The following RASA2 variants were observed in gnomAD, a reference collection of about 807,000 sequenced individuals.
The protein encoded by RASA2 is ras GTPase-activating protein 2.
Under a neutral mutation model 118.2 loss-of-function variants are expected in RASA2, and 155 were observed. That is an observed-to-expected ratio of 1.31 (90% CI 1.15 to 1.50). The LOEUF is 1.50. Ranked by LOEUF, RASA2 falls within the 40% of genes most tolerant of loss-of-function variation. The probability of loss-of-function intolerance (pLI) is 0.00; values close to 1 mark genes in which losing one functional copy is unlikely to be tolerated. For missense variants in RASA2, 1,016 were observed against 1,009.6 expected (o/e 1.01, Z -0.09); for synonymous variants, 353 against 349.1 (o/e 1.01, Z -0.12).
chr3:141,610,689 C>T (rs887199948), intron 23 of RASA2, among the ~76,000 whole-genome samples: 2 of 151,290 alleles, frequency 1.3e-5, no homozygotes, highest in African/African-American at 4.9e-5. Context: ...CAGGGTCTCG[C>T]TATGTTGCCC....
At chr3:141,499,664 A>G (rs1223889926) in intron 1 of RASA2, among the ~76,000 whole-genome samples, 1 of 151,924 alleles carries the variant, frequency 6.6e-6, no homozygotes, top group Non-Finnish European at 1.5e-5. Flanking sequence ...CAGTGGTGCG[A>G]TCTCAGCTCA....
At chr3:141,534,263 T>C (rs185485228) in intron 4 of RASA2, among the ~76,000 whole-genome samples, 113 of 152,248 alleles carry the variant, frequency 7.4e-4, no homozygotes, top group African/African-American at 2.6e-3. Flanking sequence ...CCAGGCCGGG[T>C]ATGGTGGCCC....
chr3:141,538,530 C>T (rs766616195), intron 4 of RASA2, among the ~76,000 whole-genome samples: 3 of 151,908 alleles, frequency 2.0e-5, no homozygotes, highest in Non-Finnish European at 4.4e-5. Flanking sequence ...AGTATGTACC[C>T]TATTTTGTGA....
intron 4 of RASA2, among the ~76,000 whole-genome samples, chr3:141,534,748 T>A (rs1408115983): frequency 6.6e-6 from 1 of 151,868 alleles, no homozygotes; most frequent in Non-Finnish European, 1.5e-5. Context: ...TGCAGGTTGA[T>A]TTTTTTTAAC....
In RASA2 at chr3:141,586,061, T is replaced by C. The variant is rs1239811236; in HGVS notation, c.1789T>C (p.Ser597Pro). 28 of 1,611,272 alleles carry C rather than the reference T, an allele frequency of 1.7e-5. No homozygotes were observed. Among genetic ancestry groups the C allele is most frequent in the Non-Finnish European group, 2.0e-5 (24 of 1,177,882 alleles). ...DEISSTETKE[S>P]SGTSEPVHLK... is the part of the protein sequence containing the mutation. The stretch of plus-strand genomic sequence containing the variant: ...AATTTCATCTACTGAAACTAAAGAG[T>C]CCAGTGGTACGAGTGAGCCTGTGCA... The change falls in exon 18 of 24, where the codon TCC (serine) becomes CCC (proline). Residue 597 changes from serine to proline, a missense_variant. By Grantham distance (74) the Ser-to-Pro change is moderately conservative. Around this residue, in one of 2 missense-constraint regions of RASA2, gnomAD observed 896 missense variants for 836.4 expected, o/e 1.07. Transcript: ENST00000286364.
chr3:141,533,132 T>C (rs2082282111), intron 4 of RASA2, among the ~76,000 whole-genome samples: 1 of 152,176 alleles, frequency 6.6e-6, no homozygotes, highest in Non-Finnish European at 1.5e-5. Context: ...TTTGAGTCCA[T>C]GTGACCATAC....
chr3:141,534,607 G>A (rs1462819775), intron 4 of RASA2, among the ~76,000 whole-genome samples: 1 of 150,700 alleles, frequency 6.6e-6, no homozygotes, highest in Non-Finnish European at 1.5e-5. Context: ...TTTTTTTAAA[G>A]ACCTCTGCCT....
chr3:141,586,264 C>CA (rs1241860096), intron 18 of RASA2, among the ~76,000 whole-genome samples, 166 bp downstream of exon 18: 2 of 151,882 alleles, frequency 1.3e-5, no homozygotes, highest in Admixed American at 6.6e-5. Flanking sequence ...AACTTTATGG[C>CA]AAAAAAGCAT....
At chr3:141,510,989 AC>A (rs1386090374) in intron 1 of RASA2, among the ~76,000 whole-genome samples, 1 of 152,198 alleles carries the variant, frequency 6.6e-6, no homozygotes, top group Non-Finnish European at 1.5e-5. Context: ...AAGCAGGGGC[AC>A]CAGTTAGGCA....
At chr3:141,518,206 G>A (rs1487231825) in intron 3 of RASA2, among the ~76,000 whole-genome samples, 1 of 151,186 alleles carries the variant, frequency 6.6e-6, no homozygotes, top group Non-Finnish European at 1.5e-5. Context: ...GCATTATTTG[G>A]CCAGGTGCAG....
Position 141,540,408 on chromosome 3 carries a change from A to G in RASA2, c.451-125A>G, listed in dbSNP as rs1212608676. 4 of 602,854 alleles carry G rather than the reference A, an allele frequency of 6.6e-6. No individual in the cohort carries two copies. The African/African-American group carries it at 7.6e-5, about 11-fold the overall frequency. The allele number at this position is 602,854 out of a possible 1,614,324, so 37.3% of individuals were successfully genotyped here. On this transcript the variant is annotated intron_variant, in intron 4 of 23. Transcript: ENST00000286364. ...GTTATTATTCATTTAACAAGTACTTAGTGTAGGCAAAGCCATGTGCTAGTG... is the reference window on the plus strand; with the variant it reads ...GTTATTATTCATTTAACAAGTACTTGGTGTAGGCAAAGCCATGTGCTAGTG...
At chr3:141,569,593 A>G (rs1022065511) in intron 9 of RASA2, among the ~76,000 whole-genome samples, 20 of 152,208 alleles carry the variant, frequency 1.3e-4, no homozygotes, top group African/African-American at 4.3e-4. Flanking sequence ...TTGATTGTCA[A>G]TGGTACTTTA....
chr3:141,490,511 A>T (rs1047005996), intron 1 of RASA2, among the ~76,000 whole-genome samples: 1 of 152,180 alleles, frequency 6.6e-6, no homozygotes, highest in Non-Finnish European at 1.5e-5. Flanking sequence ...GAGAGCACCC[A>T]TGCCACCATA....
intron 1 of RASA2, among the ~76,000 whole-genome samples, chr3:141,502,245 G>A (rs143512424): frequency 1.2e-3 from 179 of 152,216 alleles, no homozygotes; most frequent in African/African-American, 4.1e-3. Context: ...CAAATTCTGT[G>A]GATTCTGTCT....
intron 3 of RASA2, among the ~76,000 whole-genome samples, chr3:141,518,340 T>A (rs998584354): frequency 1.3e-5 from 2 of 151,242 alleles, no homozygotes; most frequent in African/African-American, 2.4e-5. Flanking sequence ...AAAATTAGCC[T>A]GGAGCGGCGG....
intron 23 of RASA2, 76 bp downstream of exon 23, chr3:141,610,142 C>A: frequency 7.9e-7 from 1 of 1,258,786 alleles, no homozygotes; most frequent in African/African-American, 1.5e-5. Flanking sequence ...CAACCTCACA[C>A]CTCCTGCTCA....
intron 9 of RASA2, among the ~76,000 whole-genome samples, chr3:141,564,935 T>A (rs183051098): frequency 6.6e-6 from 1 of 152,322 alleles, no homozygotes; most frequent in Non-Finnish European, 1.5e-5. Flanking sequence ...GACCTGCTTT[T>A]AAGTATATCA....
At chr3:141,570,790 T>G in intron 9 of RASA2, 122 bp from the exon 10 acceptor site, 1 of 843,246 alleles carries the variant, frequency 1.2e-6, no homozygotes, top group Admixed American at 3.2e-5. Context: ...CTTATGAAGC[T>G]TCCTAACTGT....
chr3:141,590,057 C>T (rs933422388), intron 19 of RASA2: 3 of 450,712 alleles, frequency 6.7e-6, no homozygotes, highest in Non-Finnish European at 1.3e-5. Context: ...TTTAAGCTTC[C>T]ATGCTTTTTG....
Sources: allele counts gnomAD v4.1 joint callset (sites outside exome capture counted in the v4.1 genomes callset), GRCh38; gene constraint gnomAD v4.1.1; regional missense constraint gnomAD v4.1.1; transcripts MANE v1.5; gene names NCBI Gene and HGNC (gene_info 2026-07-23, HGNC 2026-07-21).